The following SNTG1 variants were observed in gnomAD, a reference collection of about 807,000 sequenced individuals.
SNTG1 encodes the protein gamma-1-syntrophin.
In SNTG1, 39 loss-of-function variants were observed where a neutral mutation model predicts 74.7. The ratio of observed to expected loss-of-function variants is 0.52; its 90% CI spans 0.40 to 0.68. The LOEUF is 0.68. SNTG1 is among the 30% of genes least tolerant of loss of function. The pLI is 0.00. For synonymous variants in SNTG1, 254 were observed against 217.1 expected (o/e 1.17, Z -1.49); for missense variants, 685 against 609.5 (o/e 1.12, Z -1.30).
intron 5 of SNTG1, among the ~76,000 whole-genome samples, chr8:50,449,446 A>G (rs967712504): frequency 1.3e-5 from 2 of 152,230 alleles, no homozygotes; most frequent in Admixed American, 1.3e-4. Context: ...GATAAATGAA[A>G]ACTTTCAAAG....
At chr8:50,303,967 G>A (rs1418085983) in intron 2 of SNTG1, among the ~76,000 whole-genome samples, 2 of 152,040 alleles carry the variant, frequency 1.3e-5, no homozygotes, top group Admixed American at 6.6e-5. Flanking sequence ...CAATAGTTAT[G>A]CCAAAACAGA....
At chr8:50,743,824 G>A (rs759982887) in intron 17 of SNTG1, among the ~76,000 whole-genome samples, 1 of 151,954 alleles carries the variant, frequency 6.6e-6, no homozygotes, top group African/African-American at 2.4e-5. Context: ...AAGGAAAGAG[G>A]TTTAGTTGGC....
At chr8:50,427,421 A>G (rs1218649750) in intron 4 of SNTG1, among the ~76,000 whole-genome samples, 1 of 152,150 alleles carries the variant, frequency 6.6e-6, no homozygotes, top group East Asian at 1.9e-4. Flanking sequence ...ATATGTATAT[A>G]TACACTTTTT....
At chr8:50,689,156 A>G (rs1220373685) in intron 15 of SNTG1, among the ~76,000 whole-genome samples, 1 of 151,456 alleles carries the variant, frequency 6.6e-6, no homozygotes, top group African/African-American at 2.4e-5. Flanking sequence ...TTGGGCTGAG[A>G]CAATGGGGTT....
rs185911569 is a variant in SNTG1 at position 50,147,468 on chromosome 8, A to T, written c.-102-25093A>T. 6.6e-5 allele frequency among the ~76,000 whole-genome samples: 10 copies of T among 152,308 alleles called. No homozygotes were observed. The East Asian group carries it at 1.7e-3, about 26-fold the overall frequency. On this transcript the variant is annotated intron_variant, in intron 1 of 18. Coordinates refer to ENST00000642720, the MANE Select transcript of SNTG1 (RefSeq NM_018967.5). ...TTTGGAAAACTTGTTTTTTACAGAA[A>T]TGGAGGTTAGAAATTTTGAAACCAC... is the stretch of plus-strand genomic sequence containing the variant.
chr8:50,459,274 C>A (rs370632817), intron 8 of SNTG1, among the ~76,000 whole-genome samples: 3 of 151,994 alleles, frequency 2.0e-5, no homozygotes, highest in Non-Finnish European at 4.4e-5. Context: ...TAACTTTGTA[C>A]TATGTTTTGA....
intron 9 of SNTG1, among the ~76,000 whole-genome samples, chr8:50,529,539 G>A (rs2094249283): frequency 6.6e-6 from 1 of 151,796 alleles, no homozygotes. Context: ...CAGAAGTCAG[G>A]AACTATTGTG....
chr8:50,109,104 A>G (rs978744109), intron 1 of SNTG1, among the ~76,000 whole-genome samples: 1 of 151,958 alleles, frequency 6.6e-6, no homozygotes, highest in Admixed American at 6.6e-5. Flanking sequence ...GACACTTTCC[A>G]CTCCTGGGTA....
intron 8 of SNTG1, among the ~76,000 whole-genome samples, chr8:50,483,701 A>G (rs2093759543): frequency 6.6e-6 from 1 of 152,216 alleles, no homozygotes; most frequent in Non-Finnish European, 1.5e-5. Flanking sequence ...TCTTAGTTAC[A>G]TGTTGTGCAA....
chr8:50,635,532 T>G (rs1354071911), intron 13 of SNTG1, among the ~76,000 whole-genome samples: 2 of 152,158 alleles, frequency 1.3e-5, no homozygotes, highest in African/African-American at 2.4e-5. Flanking sequence ...CTTCCTTCCC[T>G]TTTACACAGG....
intron 11 of SNTG1, among the ~76,000 whole-genome samples, chr8:50,541,250 T>TGTGG (rs2094344580): frequency 6.6e-6 from 1 of 151,274 alleles, no homozygotes; most frequent in African/African-American, 2.4e-5. Context: ...TACCTGTGTG[T>TGTGG]GTGTGTGTGT....
intron 8 of SNTG1, among the ~76,000 whole-genome samples, chr8:50,453,830 G>C (rs2093477964): frequency 6.6e-6 from 1 of 152,148 alleles, no homozygotes; most frequent in Non-Finnish European, 1.5e-5. Context: ...ATGGGCCCTG[G>C]GGGGTCACAC....
At chr8:50,740,604 A>G (rs895233745) in intron 17 of SNTG1, among the ~76,000 whole-genome samples, 2 of 152,118 alleles carry the variant, frequency 1.3e-5, no homozygotes, top group Admixed American at 6.6e-5. Flanking sequence ...ACCTAAAAAT[A>G]GAAATATTAT....
At chr8:50,708,704 A>C in intron 16 of SNTG1, 182 bp from the exon 17 acceptor site, 1 of 562,518 alleles carries the variant, frequency 1.8e-6, no homozygotes, top group Non-Finnish European at 3.1e-6. Flanking sequence ...ATAAAACCCA[A>C]CACTCTCAGC....
intron 1 of SNTG1, among the ~76,000 whole-genome samples, chr8:50,090,350 T>C (rs1171068387): frequency 6.6e-6 from 1 of 152,148 alleles, no homozygotes; most frequent in African/African-American, 2.4e-5. Context: ...TCAGAAGACA[T>C]CCCTGGATGC....
At chr8:49,935,316 G>T (rs1221056333) in intron 1 of SNTG1, among the ~76,000 whole-genome samples, 1 of 149,988 alleles carries the variant, frequency 6.7e-6, no homozygotes, top group African/African-American at 2.5e-5. Context: ...AACCTACTCC[G>T]ATGAGGACTT....
At chr8:50,584,172 T>C (rs955916411) in intron 12 of SNTG1, among the ~76,000 whole-genome samples, 25 of 152,176 alleles carry the variant, frequency 1.6e-4, no homozygotes, top group African/African-American at 4.8e-4. Context: ...CAGTCTATCA[T>C]TGATGGACAT....
rs138753544 is a variant in SNTG1 at position 50,080,317 on chromosome 8, A to G, written c.-102-92244A>G. Reference sequence around the variant, plus strand: ...TGGATACAGTTTTAGAGTATACCATATGCTATCCTTTTAATTTCAATCTTT... The same window carrying G: ...TGGATACAGTTTTAGAGTATACCATGTGCTATCCTTTTAATTTCAATCTTT... On this transcript the variant is annotated intron_variant, in intron 1 of 18. Coordinates refer to ENST00000642720, the MANE Select transcript of SNTG1 (RefSeq NM_018967.5). Among the ~76,000 whole-genome samples the G allele has an allele frequency of 6.7e-4, 102 of 152,304 alleles. 1 individual carries two copies. In the East Asian group the frequency reaches 0.019, roughly 29 times the overall value.
intron 15 of SNTG1, among the ~76,000 whole-genome samples, chr8:50,670,136 C>T (rs372624831): frequency 2.0e-4 from 30 of 152,274 alleles, no homozygotes; most frequent in African/African-American, 6.7e-4. Context: ...TGGCACAAGA[C>T]AGGGATGCCC....
Sources: gnomAD v4.1 joint callset for allele counts (sites outside exome capture counted in the v4.1 genomes callset) on GRCh38, gnomAD v4.1.1 for gene constraint, MANE v1.5 for transcripts, NCBI Gene and HGNC (gene_info 2026-07-23, HGNC 2026-07-21) for gene names.